GFPT2: variants seen among roughly 807,000 people sequenced by gnomAD.
The protein encoded by GFPT2 is glutamine--fructose-6-phosphate aminotransferase [isomerizing] 2.
In GFPT2, 62 loss-of-function variants were observed where a neutral mutation model predicts 85.6. The ratio of observed to expected loss-of-function variants is 0.72; its 90% CI spans 0.59 to 0.90. The LOEUF (loss-of-function observed/expected upper bound fraction) is 0.90. GFPT2 is among the 40% of genes least tolerant of loss of function. The probability of loss-of-function intolerance (pLI) is 0.00; values close to 1 mark genes in which losing one functional copy is unlikely to be tolerated. For missense variants in GFPT2, 788 were observed against 893.4 expected (o/e 0.88, Z 1.50); for synonymous variants, 368 against 344.5 (o/e 1.07, Z -0.75).
chr5:180,316,231 G>A, intron 13 of GFPT2, 110 bp downstream of exon 13: 1 of 1,087,858 alleles, frequency 9.2e-7, no homozygotes, highest in South Asian at 1.5e-5. Flanking sequence ...TGCAAGAGAG[G>A]GTTCGCAGCA....
Position 180,324,817 on chromosome 5 carries a change from C to T in GFPT2, c.675G>A (p.Thr225=), listed in dbSNP as rs1212770516. 5 of 1,586,480 alleles carry T rather than the reference C, an allele frequency of 3.2e-6. No homozygotes were observed. Among genetic ancestry groups the T allele is most frequent in the Middle Eastern group, 1.7e-4 (1 of 6,008 alleles). Residue 225 remains threonine (T), a splice_region_variant and synonymous_variant, in exon 8 of 19, where the codon ACG becomes ACA. Transcript: ENST00000253778. ...TCCGGTACTTCTTGAGAAACTTACA[C>T]GTCCTGTATAAGATAGGGATCTGTT... ...STEQIPILYR[T]CTLENVKNIC...
chr5:180,302,599 T>C lies in GFPT2; in HGVS notation c.1843-15A>G. On this transcript the variant is annotated splice_polypyrimidine_tract_variant and intron_variant, in intron 17 of 18. Coordinates refer to ENST00000253778, the MANE Select transcript of GFPT2 (RefSeq NM_005110.4). ...ATGGGGCGACCCTAGAGCAGAGAAA[T>C]AGCATCATAAAATAGACCCTCTCTG... 2.5e-6 allele frequency: 4 copies of C among 1,600,900 alleles called. No homozygotes were observed. Among genetic ancestry groups the C allele is most frequent in the Non-Finnish European group, 3.4e-6 (4 of 1,169,888 alleles).
chr5:180,315,213 T>C (rs1166927229), intron 13 of GFPT2, among the ~76,000 whole-genome samples: 1 of 151,792 alleles, frequency 6.6e-6, no homozygotes, highest in Non-Finnish European at 1.5e-5. Flanking sequence ...AGTCTCGCTC[T>C]GTCGCCCAGG....
At chr5:180,322,143 T>A (rs930867735) in intron 9 of GFPT2, among the ~76,000 whole-genome samples, 3 of 152,182 alleles carry the variant, frequency 2.0e-5, no homozygotes, top group Non-Finnish European at 4.4e-5. Context: ...GAGTCAATAT[T>A]TTTTAAAAAT....
At position 180,353,262 on chromosome 5, in the gene GFPT2, C is replaced by G. The variant is rs1166560967; in HGVS notation, c.-45G>C. On this transcript the variant is annotated 5_prime_UTR_variant, in exon 1 of 19. Coordinates refer to ENST00000253778, the MANE Select transcript of GFPT2 (RefSeq NM_005110.4). ...CCTTCGCGGCTCGAGGGGGTCTGCC[C>G]GTTCGGACGCTGGGGCTCCTCCGTG... The G allele has an allele frequency of 1.6e-6, 2 of 1,239,064 alleles. No homozygotes were observed. The highest frequency in any genetic ancestry group is 2.0e-6 in the Non-Finnish European group (2 of 987,430). 76.8% of individuals were successfully genotyped at this position (1,239,064 alleles called of 1,614,324 possible). A position where few individuals can be genotyped will look rare whatever the true frequency, so the allele number is the denominator to read the frequency against.
chr5:180,315,095 G>A (rs1326354856), intron 13 of GFPT2, among the ~76,000 whole-genome samples: 1 of 152,104 alleles, frequency 6.6e-6, no homozygotes, highest in African/African-American at 2.4e-5. Flanking sequence ...AATGGCAGGA[G>A]TACTAAAAGT....
chr5:180,306,142 G>A (rs1006767295), intron 16 of GFPT2, among the ~76,000 whole-genome samples: 2 of 152,014 alleles, frequency 1.3e-5, no homozygotes, highest in East Asian at 1.9e-4. Flanking sequence ...GCACCACCAC[G>A]CCCAGCTAGT....
chr5:180,338,485 A>T lies in GFPT2; in HGVS notation c.115+8T>A. The stretch of plus-strand genomic sequence containing the variant: ...CCCCAGCCACGAGGCGGGCGGCCGC[A>T]CACCCACCTGCCGAGTCGTAGCCTC... On this transcript the variant is annotated splice_region_variant and intron_variant, in intron 2 of 18. Transcript: ENST00000253778. 2 of 1,535,486 alleles carry T rather than the reference A, an allele frequency of 1.3e-6. No individual in the cohort carries two copies. Among genetic ancestry groups the T allele is most frequent in the Non-Finnish European group, 1.8e-6 (2 of 1,110,208 alleles).
At chr5:180,329,433 TAA>T (rs1223394322) in intron 6 of GFPT2, among the ~76,000 whole-genome samples, 2 of 152,212 alleles carry the variant, frequency 1.3e-5, no homozygotes, top group African/African-American at 4.8e-5. Context: ...GTCTTAAGTT[TAA>T]AAGTGTCATT....
intron 15 of GFPT2, among the ~76,000 whole-genome samples, chr5:180,312,032 AGGTGGGGAG>A (rs1763898842): frequency 2.0e-5 from 1 of 49,680 alleles, no homozygotes; most frequent in Non-Finnish European, 4.1e-5. Context: ...GGAGGCGGGG[AGGTGGGGAG>A]GCTGAGGGGC....
intron 4 of GFPT2, among the ~76,000 whole-genome samples, chr5:180,332,518 G>A (rs1764323939): frequency 1.3e-5 from 2 of 152,104 alleles, no homozygotes; most frequent in African/African-American, 2.4e-5. Context: ...GCATCACTGT[G>A]AAGTCTTATT....
intron 17 of GFPT2, among the ~76,000 whole-genome samples, chr5:180,304,525 A>G (rs1763739384): frequency 6.6e-6 from 1 of 152,228 alleles, no homozygotes; most frequent in African/African-American, 2.4e-5. Context: ...GCTCCAGGCT[A>G]GGATCTGGTG....
chr5:180,324,734 G>GTC, intron 8 of GFPT2, 82 bp downstream of exon 8: 2 of 906,310 alleles, frequency 2.2e-6, no homozygotes, highest in South Asian at 2.6e-5. Context: ...TTGCCTCAGA[G>GTC]GGGAGCTGAC....
At chr5:180,314,718 C>T (rs1421136280) in intron 13 of GFPT2, among the ~76,000 whole-genome samples, 4 of 152,140 alleles carry the variant, frequency 2.6e-5, no homozygotes, top group Non-Finnish European at 4.4e-5. Flanking sequence ...TTCTTCAGAG[C>T]CCTGGGTTAT....
chr5:180,321,885 G>C (rs1023600472), intron 9 of GFPT2, among the ~76,000 whole-genome samples: 3 of 152,170 alleles, frequency 2.0e-5, no homozygotes, highest in Non-Finnish European at 4.4e-5. Flanking sequence ...CCGGGTTCAC[G>C]CCATTCTCCT....
intron 3 of GFPT2, 33 bp downstream of exon 3, chr5:180,336,446 G>A (rs774306087): frequency 3.4e-6 from 4 of 1,187,354 alleles, no homozygotes; most frequent in South Asian, 1.2e-5. Context: ...CGGCGCTGCA[G>A]CGGCTCCTCC....
intron 1 of GFPT2, 70 bp downstream of exon 1, chr5:180,353,141 G>C: frequency 8.3e-7 from 1 of 1,202,784 alleles, no homozygotes; most frequent in East Asian, 3.2e-5. Context: ...GGGCGGAGGC[G>C]CGGAGAGGCT....
rs540596768 is a variant in GFPT2 at position 180,335,601 on chromosome 5, C to T, written c.340+227G>A. Among the ~76,000 whole-genome samples the T allele has an allele frequency of 4.6e-5, 7 of 152,360 alleles. No individual in the cohort carries two copies. In the East Asian group the frequency reaches 1.4e-3, roughly 29 times the overall value. On this transcript the variant is annotated intron_variant, in intron 4 of 18. Coordinates refer to ENST00000253778, the MANE Select transcript of GFPT2 (RefSeq NM_005110.4). ...GGTTAAGTGCCATCGTTTTCCTGTG[C>T]ACTCCTGGGAGGCCAGCACCACCCT... is the stretch of plus-strand genomic sequence containing the variant.
intron 18 of GFPT2, among the ~76,000 whole-genome samples, chr5:180,301,860 A>C (rs4700932): frequency 0.41 from 61,405 of 151,176 alleles, 12,977 homozygotes; most frequent in East Asian, 0.62. Context: ...TTAAAGAATA[A>C]GGTTCATGCT....
Sources: allele counts gnomAD v4.1 joint callset (sites outside exome capture counted in the v4.1 genomes callset), GRCh38; gene constraint gnomAD v4.1.1; transcripts MANE v1.5; gene names NCBI Gene and HGNC (gene_info 2026-07-23, HGNC 2026-07-21).